The following LCA5L variants were observed in gnomAD, a reference collection of about 807,000 sequenced individuals.
LCA5L encodes the protein lebercilin-like protein.
In LCA5L, 35 loss-of-function variants were observed where a neutral mutation model predicts 45.4. That is an observed-to-expected ratio of 0.77 (90% CI 0.59 to 1.02). The LOEUF (loss-of-function observed/expected upper bound fraction) is 1.02, where lower values mean the gene tolerates loss of function less well. Among genes scored for constraint, LCA5L ranks in the 50% least tolerant of loss-of-function variants. The pLI, the probability that LCA5L is intolerant of heterozygous loss-of-function variation, is 0.00. For missense variants in LCA5L, 668 were observed against 761.6 expected, an observed-to-expected ratio of 0.88 and a Z score of 1.45; for synonymous variants, 233 against 264.7, an observed-to-expected ratio of 0.88 and a Z score of 1.16.
chr21:39,442,743 G>C (rs1039302080), intron 2 of LCA5L, among the ~76,000 whole-genome samples: 33 of 152,078 alleles, frequency 2.2e-4, no homozygotes, highest in African/African-American at 8.0e-4. Flanking sequence ...TGAATTGGAG[G>C]AGACTGAGTG....
At chr21:39,410,936 A>G in intron 8 of LCA5L, 1 of 471,108 alleles carries the variant, frequency 2.1e-6, no homozygotes. Context: ...AATAAAACAG[A>G]GGTGAGTATT....
At chr21:39,411,846 T>C (rs1440697731) in intron 7 of LCA5L, 44 bp from the exon 8 acceptor site, 2 of 1,078,664 alleles carry the variant, frequency 1.9e-6, no homozygotes, top group Non-Finnish European at 2.8e-6. Context: ...ATGCTTGCTT[T>C]TGTCAACCCT....
At chr21:39,420,876 A>T (rs2147633378) in intron 6 of LCA5L, 33 bp from the exon 7 acceptor site, 3 of 1,555,036 alleles carry the variant, frequency 1.9e-6, no homozygotes, top group Non-Finnish European at 2.6e-6. Flanking sequence ...CTATTCTGCA[A>T]CCAAGTTAGT....
intron 3 of LCA5L, among the ~76,000 whole-genome samples, chr21:39,433,011 A>C (rs61342945): frequency 0.23 from 35,066 of 152,182 alleles, 4,542 homozygotes; most frequent in African/African-American, 0.35. Flanking sequence ...TTTATCAGAT[A>C]TATGCTTTGC....
At chr21:39,414,740 C>G (rs34548181) in intron 7 of LCA5L, among the ~76,000 whole-genome samples, 52,519 of 98,956 alleles carry the variant, frequency 0.53, 13,095 homozygotes, top group Admixed American at 0.58. Context: ...CTCTCTCTCT[C>G]TCTGTGTGTG....
intron 2 of LCA5L, among the ~76,000 whole-genome samples, chr21:39,437,468 T>A (rs968068766): frequency 4.6e-5 from 7 of 152,186 alleles, no homozygotes; most frequent in Non-Finnish European, 8.8e-5. Context: ...ATAAAATTAA[T>A]CTTTTTTTTG....
chr21:39,430,356 T>G (rs757039048), intron 3 of LCA5L, among the ~76,000 whole-genome samples: 2 of 151,014 alleles, frequency 1.3e-5, no homozygotes, highest in Admixed American at 6.6e-5. Context: ...TCAACAAGTC[T>G]TCTTATGCAG....
At chr21:39,419,865 T>C (rs2041986569) in intron 7 of LCA5L, among the ~76,000 whole-genome samples, 1 of 152,188 alleles carries the variant, frequency 6.6e-6, no homozygotes, top group South Asian at 2.1e-4. Flanking sequence ...GGCAGAAAGA[T>C]AGCAAAAAGC....
At chr21:39,422,613 G>A in intron 6 of LCA5L, 2 of 347,120 alleles carry the variant, frequency 5.8e-6, no homozygotes, top group Non-Finnish European at 1.0e-5. Flanking sequence ...TAAGGTAGAG[G>A]GTTGACTTCA....
intron 3 of LCA5L, among the ~76,000 whole-genome samples, chr21:39,430,719 GCT>G (rs1206932781): frequency 6.6e-6 from 1 of 152,082 alleles, no homozygotes; most frequent in African/African-American, 2.4e-5. Context: ...TGCTCCGTGG[GCT>G]CTGACTGACA....
At chr21:39,410,501 A>G in intron 8 of LCA5L, 134 bp from the exon 9 acceptor site, 2 of 550,442 alleles carry the variant, frequency 3.6e-6, no homozygotes, top group East Asian at 3.1e-5. Context: ...CAATATATAT[A>G]TAAGCATTTG....
At chr21:39,427,522 C>T (rs1036044766) in intron 5 of LCA5L, among the ~76,000 whole-genome samples, 4 of 151,900 alleles carry the variant, frequency 2.6e-5, no homozygotes, top group Non-Finnish European at 5.9e-5. Context: ...ATTAGCCGGG[C>T]GTGGTGGTGG....
At chr21:39,439,153 G>A (rs761888445) in intron 2 of LCA5L, among the ~76,000 whole-genome samples, 3 of 152,014 alleles carry the variant, frequency 2.0e-5, no homozygotes, top group Non-Finnish European at 4.4e-5. Context: ...AGAAGGCTCT[G>A]TGATCACAGA....
chr21:39,420,796 C>A lies in LCA5L; in HGVS notation c.885G>T (p.Gln295His). 6.2e-7 allele frequency: 1 copy of A among 1,613,328 alleles called. No homozygotes were observed. Residue 295 changes from glutamine to histidine, a missense_variant, in exon 7 of 11, where the codon CAG (glutamine) becomes CAT (histidine). Physicochemically the swap from Gln to His is conservative, Grantham distance 24 (BLOSUM62 0). Coordinates refer to ENST00000288350, the MANE Select transcript of LCA5L (RefSeq NM_152505.4). Reference sequence around the variant, plus strand: ...AAGTCTTCCGAGTCTCAATAGCCAGCTGCCGGCTAAAGGCTCTGCAGTTCA... The same window carrying A: ...AAGTCTTCCGAGTCTCAATAGCCAGATGCCGGCTAAAGGCTCTGCAGTTCA... ...LRLNCRAFSR[Q>H]LAIETRKTLA...
chr21:39,423,553 A>T, intron 5 of LCA5L, 63 bp from the exon 6 acceptor site: 3 of 1,360,046 alleles, frequency 2.2e-6, no homozygotes, highest in Non-Finnish European at 2.0e-6. Flanking sequence ...ATATGCACAT[A>T]TGCATAATCT....
intron 6 of LCA5L, 48 bp from the exon 7 acceptor site, chr21:39,420,891 T>G (rs769255553): frequency 2.1e-6 from 3 of 1,460,076 alleles, no homozygotes; most frequent in Non-Finnish European, 1.9e-6. Context: ...GTTAGTATGT[T>G]AAAAACTTCA....
intron 7 of LCA5L, among the ~76,000 whole-genome samples, chr21:39,416,614 CA>C (rs1435710790): frequency 2.6e-5 from 4 of 152,012 alleles, no homozygotes; most frequent in Non-Finnish European, 4.4e-5. Flanking sequence ...CACTTCAGAT[CA>C]AAATCAGGAC....
chr21:39,412,591 C>T (rs986416018), intron 7 of LCA5L, among the ~76,000 whole-genome samples: 2 of 151,174 alleles, frequency 1.3e-5, no homozygotes, highest in African/African-American at 2.4e-5. Flanking sequence ...GTGTGACAGA[C>T]GTGCATGTGC....
intron 2 of LCA5L, chr21:39,439,882 A>T (rs554687038): frequency 2.8e-4 from 43 of 152,326 alleles, no homozygotes; most frequent in African/African-American, 1.0e-3. Flanking sequence ...CTGAGGACAT[A>T]AGTAAATATA....
Sources: gnomAD v4.1 joint callset for allele counts (sites outside exome capture counted in the v4.1 genomes callset) on GRCh38, gnomAD v4.1.1 for gene constraint, MANE v1.5 for transcripts, NCBI Gene and HGNC (gene_info 2026-07-23, HGNC 2026-07-21) for gene names.